The following ADH4 variants were observed in gnomAD, a reference collection of about 807,000 sequenced individuals.
ADH4 encodes the protein all-trans-retinol dehydrogenase [NAD(+)] ADH4.
A neutral mutation model predicts 35.2 loss-of-function variants in ADH4; 31 were observed. The ratio of observed to expected loss-of-function variants is 0.88; its 90% CI spans 0.66 to 1.19. The LOEUF (loss-of-function observed/expected upper bound fraction) is 1.19, where lower values mean the gene tolerates loss of function less well. Among genes scored for constraint, ADH4 ranks in the 50% most tolerant of loss-of-function variants. The pLI is 0.00. For missense variants in ADH4, 476 were observed against 458.3 expected (o/e 1.04, Z -0.35); for synonymous variants, 171 against 160.2 (o/e 1.07, Z -0.51).
chr4:99,124,702 G>A (rs29001236), intron 8 of ADH4, among the ~76,000 whole-genome samples: 2,760 of 152,238 alleles, frequency 0.018, 47 homozygotes, highest in Middle Eastern at 0.058. Flanking sequence ...CTTAGGCAGC[G>A]TCCTTGTTAC....
chr4:99,126,541 T>C (rs1729095371), intron 8 of ADH4, 53 bp downstream of exon 8: 1 of 1,520,370 alleles, frequency 6.6e-7, no homozygotes, highest in Non-Finnish European at 8.9e-7. Flanking sequence ...AAAAAGAAGA[T>C]AGAATCATTG....
At chr4:99,140,887 AAAC>A (rs1729592187) in intron 3 of ADH4, among the ~76,000 whole-genome samples, 1 of 152,112 alleles carries the variant, frequency 6.6e-6, no homozygotes. Flanking sequence ...AAAAAAGGAA[AAAC>A]AACACCTTTA....
intron 6 of ADH4, 31 bp downstream of exon 6, chr4:99,131,473 A>G (rs767193288): frequency 6.3e-7 from 1 of 1,598,440 alleles, no homozygotes; most frequent in Admixed American, 1.7e-5. Flanking sequence ...GAATACATTG[A>G]AAATATGATC....
chr4:99,128,878 C>T, intron 6 of ADH4, among the ~76,000 whole-genome samples: 1 of 152,036 alleles, frequency 6.6e-6, no homozygotes, highest in East Asian at 1.9e-4. Context: ...TAGCTCACTG[C>T]AGCCTCAACT....
intron 2 of ADH4, among the ~76,000 whole-genome samples, chr4:99,142,247 C>T (rs1038087790): frequency 1.3e-5 from 2 of 152,228 alleles, no homozygotes; most frequent in African/African-American, 2.4e-5. Flanking sequence ...TGACCTACTC[C>T]TGTCCCTTCC....
intron 5 of ADH4, among the ~76,000 whole-genome samples, chr4:99,134,966 C>G (rs1318985613): frequency 6.6e-6 from 1 of 151,906 alleles, no homozygotes; most frequent in Non-Finnish European, 1.5e-5. Flanking sequence ...GTTTTATGCA[C>G]CTGGTTTTAT....
Position 99,124,061 on chromosome 4 carries a change from A to G in ADH4, c.*381T>C, listed in dbSNP as rs56378607. On this transcript the variant is annotated 3_prime_UTR_variant, in exon 9 of 9. Coordinates refer to ENST00000265512, the MANE Select transcript of ADH4 (RefSeq NM_000670.5). ...AGCTCCCAGAAAATTTTCAACATAG[A>G]CAAAAGTGGAGAGAAAAGTATAATG... The G allele has an allele frequency of 3.4e-4, 61 of 181,290 alleles. No homozygotes were observed. In the East Asian group the frequency reaches 3.9e-3, roughly 12 times the overall value. 11.2% of individuals were successfully genotyped at this position (181,290 alleles called of 1,614,324 possible). A position where few individuals can be genotyped will look rare whatever the true frequency, so the allele number is the denominator to read the frequency against.
chr4:99,125,642 T>A (rs1009096198), intron 8 of ADH4, among the ~76,000 whole-genome samples: 1 of 152,170 alleles, frequency 6.6e-6, no homozygotes, highest in Non-Finnish European at 1.5e-5. Flanking sequence ...AAATAATGCT[T>A]GTATTTTCTT....
rs1729441972 is a variant in ADH4, at chr4:99,136,627, T to G, written c.421A>C (p.Lys141Gln). 1.9e-6 allele frequency: 3 copies of G among 1,614,042 alleles called. No individual in the cohort carries two copies. The highest frequency in any genetic ancestry group is 3.3e-5 in the Admixed American group (2 of 59,998). Reference protein sequence around the residue: ...DKTSRFTCKGKPVYHFFGTST... With the variant: ...DKTSRFTCKGQPVYHFFGTST... The stretch of plus-strand genomic sequence containing the variant: ...GTTCCAAAGAAATGGTAAACTGGTT[T>G]TCCTTTGCAGGTAAACCTGCTGGTT... The change falls in exon 5 of 9, where the codon AAA becomes CAA. Residue 141 changes from lysine to glutamine, a missense_variant. Coordinates refer to ENST00000265512, the MANE Select transcript of ADH4 (RefSeq NM_000670.5).
intron 5 of ADH4, among the ~76,000 whole-genome samples, chr4:99,132,595 G>C (rs1729320139): frequency 1.3e-5 from 2 of 152,110 alleles, no homozygotes. Flanking sequence ...TATTATGAAA[G>C]AGTCTTCTGT....
At chr4:99,139,524 A>G (rs1235993517) in intron 3 of ADH4, among the ~76,000 whole-genome samples, 1 of 152,166 alleles carries the variant, frequency 6.6e-6, no homozygotes, top group Non-Finnish European at 1.5e-5. Flanking sequence ...TAGGCTAGGT[A>G]TAAACTTTAT....
At chr4:99,140,300 G>T (rs1729569780) in intron 3 of ADH4, among the ~76,000 whole-genome samples, 1 of 152,158 alleles carries the variant, frequency 6.6e-6, no homozygotes, top group African/African-American at 2.4e-5. Flanking sequence ...TACACCAGGT[G>T]CAGTGGCTCA....
At chr4:99,127,116 A>C in intron 7 of ADH4, 93 bp downstream of exon 7, 1 of 1,090,990 alleles carries the variant, frequency 9.2e-7, no homozygotes, top group Non-Finnish European at 1.3e-6. Context: ...TGGTTGAATA[A>C]ATTATTTTTA....
intron 6 of ADH4, among the ~76,000 whole-genome samples, chr4:99,131,018 A>G (rs1729253746): frequency 6.6e-6 from 1 of 152,134 alleles, no homozygotes; most frequent in Non-Finnish European, 1.5e-5. Flanking sequence ...TCATCCCTTT[A>G]TATCTTTGGC....
chr4:99,142,860 G>T, intron 1 of ADH4, 80 bp from the exon 2 acceptor site: 2 of 972,310 alleles, frequency 2.1e-6, no homozygotes, highest in Non-Finnish European at 3.0e-6. Flanking sequence ...AGGAGATCAT[G>T]AGAAAAAATT....
chr4:99,137,167 G>A (rs1052588664), intron 4 of ADH4, among the ~76,000 whole-genome samples: 13 of 148,682 alleles, frequency 8.7e-5, no homozygotes, highest in African/African-American at 1.0e-4. Context: ...TTGCTCTGTC[G>A]CCCAGGCTGG....
At position 99,126,742 on chromosome 4, in the gene ADH4, G is replaced by C; in HGVS notation, c.980-10C>G. On this transcript the variant is annotated splice_polypyrimidine_tract_variant and intron_variant, in intron 7 of 8. Coordinates refer to ENST00000265512, the MANE Select transcript of ADH4 (RefSeq NM_000670.5). ...TCTACACTTTTCCAACCTGTAATGT[G>C]GACAAAATGCAAAATAAAGACATGG... The C allele has an allele frequency of 6.3e-7, 1 of 1,576,310 alleles. No individual in the cohort carries two copies. Among genetic ancestry groups the C allele is most frequent in the Non-Finnish European group, 8.7e-7 (1 of 1,154,400 alleles).
At chr4:99,124,904 C>T (rs1392959386) in intron 8 of ADH4, among the ~76,000 whole-genome samples, 1 of 64,810 alleles carries the variant, frequency 1.5e-5, no homozygotes, top group Non-Finnish European at 2.8e-5. Context: ...CTGGGTAACT[C>T]CAACATGTAG....
intron 7 of ADH4, among the ~76,000 whole-genome samples, chr4:99,126,937 A>G (rs1002956154): frequency 6.6e-6 from 1 of 152,002 alleles, no homozygotes; most frequent in African/African-American, 2.4e-5. Flanking sequence ...TCCACTCTAT[A>G]TAAGAAATTA....
Sources: gnomAD v4.1 joint callset for allele counts (sites outside exome capture counted in the v4.1 genomes callset) on GRCh38, gnomAD v4.1.1 for gene constraint, MANE v1.5 for transcripts, NCBI Gene and HGNC (gene_info 2026-07-23, HGNC 2026-07-21) for gene names.